Variants in BCL7A observed in about 807,000 individuals in gnomAD.
BCL7A encodes BAF chromatin remodeling complex subunit BCL7A, also known as B-cell CLL/lymphoma 7 protein family member A.
Under a neutral mutation model 28.4 loss-of-function variants are expected in BCL7A, and 11 were observed. That is an observed-to-expected ratio of 0.39 (90% CI 0.24 to 0.64). The LOEUF (loss-of-function observed/expected upper bound fraction) is 0.64. Among genes scored for constraint, BCL7A ranks in the 30% least tolerant of loss-of-function variants. The pLI is 0.50. For missense variants in BCL7A, 222 were observed against 274.8 expected, an observed-to-expected ratio of 0.81 and a Z score of 1.36; for synonymous variants, 123 against 103.3, an observed-to-expected ratio of 1.19 and a Z score of -1.15.
intron 3 of BCL7A, 60 bp from the exon 4 acceptor site, chr12:122,043,826 C>A: frequency 6.5e-7 from 1 of 1,528,038 alleles, no homozygotes; most frequent in Non-Finnish European, 8.8e-7. Context: ...AGCCCTCTGA[C>A]CTACCCGTCC....
chr12:122,055,825 C>T (rs1250326572), intron 5 of BCL7A, among the ~76,000 whole-genome samples: 5 of 152,182 alleles, frequency 3.3e-5, no homozygotes, highest in Non-Finnish European at 5.9e-5. Flanking sequence ...ACCATGTTGG[C>T]CAGGCTGGTC....
rs534323177 is a variant in BCL7A at position 122,061,143 on chromosome 12, T to C, written c.*1980T>C. 1 of 226,122 alleles carries C rather than the reference T, an allele frequency of 4.4e-6. No homozygotes were observed. The highest frequency in any genetic ancestry group is 2.2e-5 in the African/African-American group (1 of 44,984). 14.0% of individuals were successfully genotyped at this position (226,122 alleles called of 1,614,324 possible). A position where few individuals can be genotyped will look rare whatever the true frequency, so the allele number is the denominator to read the frequency against. ...CATTTTTCTTTGCAGCGAAACTCCA[T>C]CTTGGTGAGAGATGAATTTGGATAT... On this transcript the variant is annotated 3_prime_UTR_variant, in exon 6 of 6. Coordinates refer to ENST00000261822, the MANE Select transcript of BCL7A (RefSeq NM_001024808.3).
Position 122,059,181 on chromosome 12 carries a change from C to G in BCL7A, c.*18C>G. 6.3e-7 allele frequency: 1 copy of G among 1,597,896 alleles called. No homozygotes were observed. Among genetic ancestry groups the G allele is most frequent in the Non-Finnish European group, 8.6e-7 (1 of 1,165,260 alleles). Reference sequence around the variant, plus strand: ...AGATGTAGACGATGCTTTAAAGCCTCCGATCCATGTTCCATGGAAGGTACA... The same window carrying G: ...AGATGTAGACGATGCTTTAAAGCCTGCGATCCATGTTCCATGGAAGGTACA... On this transcript the variant is annotated 3_prime_UTR_variant, in exon 6 of 6. Transcript: ENST00000261822. The surrounding 1 kb of genome is among the most constrained non-coding windows in gnomAD (Gnocchi z 4.0).
intron 4 of BCL7A, among the ~76,000 whole-genome samples, chr12:122,046,609 C>A (rs994341846): frequency 6.6e-6 from 1 of 152,138 alleles, no homozygotes; most frequent in Non-Finnish European, 1.5e-5. Context: ...CTATCCAGCC[C>A]GTGGTGTGAG....
At chr12:122,042,904 G>A (rs1396433924) in intron 3 of BCL7A, among the ~76,000 whole-genome samples, 1 of 151,974 alleles carries the variant, frequency 6.6e-6, no homozygotes, top group Non-Finnish European at 1.5e-5. Flanking sequence ...GTTCCAAAGT[G>A]TTACAGCTGG....
chr12:122,051,507 C>G (rs1164530618), intron 4 of BCL7A, among the ~76,000 whole-genome samples: 1 of 152,226 alleles, frequency 6.6e-6, no homozygotes, highest in Non-Finnish European at 1.5e-5. Context: ...AGCACCGCAG[C>G]GCCCAGAGAA....
At chr12:122,054,733 C>G in intron 4 of BCL7A, 72 bp from the exon 5 acceptor site, 1 of 1,465,142 alleles carries the variant, frequency 6.8e-7, no homozygotes, top group South Asian at 1.2e-5. Context: ...AAGGTATTTT[C>G]AGTATTTGGC....
chr12:122,051,235 G>A (rs1195950365), intron 4 of BCL7A, among the ~76,000 whole-genome samples: 1 of 152,180 alleles, frequency 6.6e-6, no homozygotes, highest in East Asian at 1.9e-4. Flanking sequence ...CCCTGGGCCT[G>A]CACGGCTGCC....
intron 3 of BCL7A, among the ~76,000 whole-genome samples, chr12:122,040,861 T>TTACCAGGC (rs1440615887): frequency 6.6e-6 from 1 of 152,138 alleles, no homozygotes; most frequent in African/African-American, 2.4e-5. Flanking sequence ...GGTCACGCTG[T>TTACCAGGC]TACCAGGCTA....
chr12:122,026,563 C>G (rs1221575808), intron 1 of BCL7A, among the ~76,000 whole-genome samples: 5 of 152,258 alleles, frequency 3.3e-5, no homozygotes, highest in Admixed American at 3.3e-4. Context: ...TCCCGTCTGT[C>G]CCAGGAGAGG....
intron 1 of BCL7A, among the ~76,000 whole-genome samples, chr12:122,023,180 G>T (rs940709784): frequency 6.6e-6 from 1 of 152,224 alleles, no homozygotes; most frequent in Non-Finnish European, 1.5e-5. Flanking sequence ...GGCCCGAGGC[G>T]CAAGCAGATC....
chr12:122,023,926 C>A (rs1488894231), intron 1 of BCL7A, among the ~76,000 whole-genome samples: 1 of 152,204 alleles, frequency 6.6e-6, no homozygotes, highest in African/African-American at 2.4e-5. Context: ...GCCGGCAAGC[C>A]GCCTTTCTCT....
intron 2 of BCL7A, among the ~76,000 whole-genome samples, chr12:122,031,958 C>G (rs556871536): frequency 3.9e-5 from 6 of 152,324 alleles, no homozygotes; most frequent in Non-Finnish European, 5.9e-5. Flanking sequence ...TCCCCCCTGC[C>G]TGGACTGCCT....
intron 2 of BCL7A, among the ~76,000 whole-genome samples, chr12:122,032,397 C>T (rs538224228): frequency 1.3e-5 from 2 of 152,200 alleles, no homozygotes; most frequent in African/African-American, 4.8e-5. Context: ...GTGCCTTGCC[C>T]GCCATTAGGT....
intron 3 of BCL7A, among the ~76,000 whole-genome samples, chr12:122,035,950 C>G (rs1351819189): frequency 6.6e-6 from 1 of 152,000 alleles, no homozygotes; most frequent in Non-Finnish European, 1.5e-5. Context: ...AAGCAATTCT[C>G]CTGCCTCAGC....
chr12:122,056,353 A>G (rs1315206545), intron 5 of BCL7A, among the ~76,000 whole-genome samples: 4 of 150,816 alleles, frequency 2.7e-5, no homozygotes, highest in African/African-American at 7.3e-5. Context: ...CGCCCCCACT[A>G]CCCCACACTC....
At chr12:122,048,473 G>A (rs140868212) in intron 4 of BCL7A, among the ~76,000 whole-genome samples, 4 of 152,226 alleles carry the variant, frequency 2.6e-5, no homozygotes, top group Non-Finnish European at 4.4e-5. Flanking sequence ...CAGGCTGGCC[G>A]GGTGCAGTGG....
chr12:122,039,349 A>C (rs1193986988), intron 3 of BCL7A, among the ~76,000 whole-genome samples: 2 of 148,760 alleles, frequency 1.3e-5, no homozygotes, highest in Non-Finnish European at 3.0e-5. Context: ...TTAAATTAGC[A>C]GGTTGTGGTG....
chr12:122,036,396 A>G (rs1424057899), intron 3 of BCL7A, among the ~76,000 whole-genome samples: 1 of 152,168 alleles, frequency 6.6e-6, no homozygotes, highest in East Asian at 1.9e-4. Flanking sequence ...CAATACAGTG[A>G]GACCCCATCT....
Sources: gnomAD v4.1 joint callset for allele counts (sites outside exome capture counted in the v4.1 genomes callset) on GRCh38, gnomAD v4.1.1 for gene constraint, Gnocchi (gnomAD v3.1) non-coding constraint, MANE v1.5 for transcripts, NCBI Gene and HGNC (gene_info 2026-07-23, HGNC 2026-07-21) for gene names.